The following NCR1 variants were observed in gnomAD, a reference collection of about 807,000 sequenced individuals.
NCR1 encodes the protein natural cytotoxicity triggering receptor 1.
In NCR1, 30 loss-of-function variants were observed where a neutral mutation model predicts 32.5. The observed-to-expected ratio is 0.92, with a 90% confidence interval of 0.69 to 1.25. NCR1 has a LOEUF of 1.25. Ranked by LOEUF, NCR1 falls within the 50% of genes most tolerant of loss-of-function variation. The pLI is 0.00. For synonymous variants in NCR1, 169 were observed against 143.4 expected, an observed-to-expected ratio of 1.18 and a Z score of -1.28; for missense variants, 369 against 380.7, an observed-to-expected ratio of 0.97 and a Z score of 0.26.
chr19:54,923,165 C>T, the NCR1 span, among the ~76,000 whole-genome samples: 1 of 152,212 alleles, frequency 6.6e-6, no homozygotes, highest in Non-Finnish European at 1.5e-5. Flanking sequence ...GGGAAGCCTC[C>T]GCAGGTGCCA....
Position 54,912,850 on chromosome 19 carries a change from G to A in NCR1, c.894G>A (p.Arg298=), listed in dbSNP as rs1429624085. 6.2e-7 allele frequency: 1 copy of A among 1,613,766 alleles called. No individual in the cohort carries two copies. The highest frequency in any genetic ancestry group is 1.7e-5 in the Admixed American group (1 of 59,914). ...CTTCCACTTGGGAAGGCAGGAGAAG[G>A]CTGAACACACAGACTCTTTGAAGAA... ...SRASTWEGRR[R]LNTQTL Residue 298 remains arginine, a synonymous_variant, in exon 7 of 7, where the codon AGG becomes AGA. Transcript: ENST00000291890.
intron 3 of NCR1, 129 bp downstream of exon 3, chr19:54,906,936 C>G (rs150227537): frequency 0.022 from 24,358 of 1,098,946 alleles, 342 homozygotes; most frequent in South Asian, 0.042. Context: ...GAGGGGTGAT[C>G]CCCATCACAA....
At chr19:54,921,617 C>T in the NCR1 span, among the ~76,000 whole-genome samples, 2 of 151,840 alleles carry the variant, frequency 1.3e-5, no homozygotes, top group African/African-American at 2.4e-5. Flanking sequence ...ACTAAAAATA[C>T]AAAAATTAGC....
At chr19:54,901,246 C>T (rs117009015), upstream of NCR1, among the ~76,000 whole-genome samples, 124 of 148,450 alleles carry the variant, frequency 8.4e-4, no homozygotes, top group East Asian at 0.019. Flanking sequence ...GTCGAGATTG[C>T]GCCACTCAGG....
chr19:54,916,800 G>A (rs1476369301), downstream of NCR1, among the ~76,000 whole-genome samples: 1 of 148,488 alleles, frequency 6.7e-6, no homozygotes, highest in Admixed American at 7.0e-5. Context: ...CGCTTTCCGG[G>A]TTCAAGCGAT....
Position 54,909,269 on chromosome 19 carries a change from C to T in NCR1, c.380C>T (p.Ser127Leu), listed in dbSNP as rs142626797. The change falls in exon 4 of 7, where the codon TCG becomes TTG. Residue 127 changes from serine to leucine, a missense_variant. By Grantham distance (145) the Ser-to-Leu change is moderately radical. Coordinates refer to ENST00000291890, the MANE Select transcript of NCR1 (RefSeq NM_004829.7). ...GAAATGTATGACACACCCACCCTCT[C>T]GGTTCATCCTGGACCCGAAGTGATC... ...VTEMYDTPTL[S>L]VHPGPEVISG... is the part of the protein sequence containing the mutation. 50 of 1,613,506 alleles carry T rather than the reference C, an allele frequency of 3.1e-5. No individual in the cohort carries two copies. The highest frequency in any genetic ancestry group is 1.7e-4 in the Middle Eastern group (1 of 6,058).
At chr19:54,921,655 T>C in the NCR1 span, among the ~76,000 whole-genome samples, 1 of 150,792 alleles carries the variant, frequency 6.6e-6, no homozygotes, top group African/African-American at 2.4e-5. Flanking sequence ...ACCTCTAGTC[T>C]CAGCTACTCC....
chr19:54,931,181 G>A, the NCR1 span, among the ~76,000 whole-genome samples: 1 of 152,100 alleles, frequency 6.6e-6, no homozygotes, highest in African/African-American at 2.4e-5. Context: ...CACAGCAGTG[G>A]GAGGCCAAGA....
the NCR1 span, chr19:54,927,537 C>A: frequency 6.6e-7 from 1 of 1,513,156 alleles, no homozygotes; most frequent in Non-Finnish European, 9.1e-7. Flanking sequence ...GCCTGAATGA[C>A]AGAGCACGAC....
chr19:54,901,666 T>G (rs2067304857), upstream of NCR1, among the ~76,000 whole-genome samples: 1 of 151,924 alleles, frequency 6.6e-6, no homozygotes, highest in Non-Finnish European at 1.5e-5. Context: ...ATAAAGTCTA[T>G]AGTTTTATTT....
chr19:54,920,222 G>T (rs1478312198), downstream of NCR1, among the ~76,000 whole-genome samples: 1 of 152,038 alleles, frequency 6.6e-6, no homozygotes, highest in East Asian at 1.9e-4. Flanking sequence ...ATTGTGAATG[G>T]CTGAGCCAGC....
the NCR1 span, among the ~76,000 whole-genome samples, chr19:54,933,208 C>T: frequency 2.0e-5 from 3 of 152,060 alleles, no homozygotes; most frequent in Non-Finnish European, 4.4e-5. Flanking sequence ...TGCAGTGGTG[C>T]GATCTCGGCT....
chr19:54,908,670 G>C (rs1053488925), intron 3 of NCR1, among the ~76,000 whole-genome samples: 21 of 48,068 alleles, frequency 4.4e-4, no homozygotes, highest in Non-Finnish European at 8.1e-4. Context: ...TTTTTTTTTT[G>C]AGACAGTCTC....
At chr19:54,932,174 C>T in the NCR1 span, among the ~76,000 whole-genome samples, 1 of 151,924 alleles carries the variant, frequency 6.6e-6, no homozygotes, top group South Asian at 2.1e-4. Flanking sequence ...ATGCCTGGAA[C>T]GCCAGCACTT....
chr19:54,916,014 T>C (rs1484882952), downstream of NCR1: 7 of 140,498 alleles, frequency 5.0e-5, no homozygotes, highest in Admixed American at 5.1e-4. Flanking sequence ...ATATTCCTAA[T>C]AAGAAAAAAA....
chr19:54,935,260 C>T, the NCR1 span, among the ~76,000 whole-genome samples: 8 of 151,888 alleles, frequency 5.3e-5, no homozygotes, highest in African/African-American at 1.5e-4. Context: ...GACAGGATCT[C>T]GCTCTGTTGC....
chr19:54,911,089 G>A (rs1349985957), intron 5 of NCR1, among the ~76,000 whole-genome samples: 1 of 152,130 alleles, frequency 6.6e-6, no homozygotes, highest in Non-Finnish European at 1.5e-5. Context: ...GCTCACGCCT[G>A]TAATCCCAGC....
chr19:54,932,768 A>G, the NCR1 span, among the ~76,000 whole-genome samples: 4 of 151,276 alleles, frequency 2.6e-5, no homozygotes, highest in African/African-American at 9.7e-5. Flanking sequence ...CGATTCTCCT[A>G]CCTCAGCCTT....
In NCR1 at chr19:54,912,968, T is replaced by G. The variant is rs1442948003; in HGVS notation, c.*97T>G. On this transcript the variant is annotated 3_prime_UTR_variant, in exon 7 of 7. Coordinates refer to ENST00000291890, the MANE Select transcript of NCR1 (RefSeq NM_004829.7). The stretch of plus-strand genomic sequence containing the variant: ...TGTGTTGGACCCACGGAGGAGGGAG[T>G]CACTGCAGGGAAAGAGGGACACTGG... 4.2e-6 allele frequency: 5 copies of G among 1,202,416 alleles called. No homozygotes were observed. Among genetic ancestry groups the G allele is most frequent in the Non-Finnish European group, 5.8e-6 (5 of 863,276 alleles). 74.5% of individuals were successfully genotyped at this position (1,202,416 alleles called of 1,614,324 possible).
Sources: gnomAD v4.1 joint callset for allele counts (sites outside exome capture counted in the v4.1 genomes callset) on GRCh38, gnomAD v4.1.1 for gene constraint, MANE v1.5 for transcripts, NCBI Gene and HGNC (gene_info 2026-07-23, HGNC 2026-07-21) for gene names.